The following PUM3 variants were observed in gnomAD, a reference collection of about 807,000 sequenced individuals.
PUM3 encodes the protein pumilio RNA binding family member 3.
A neutral mutation model predicts 84.0 loss-of-function variants in PUM3; 91 were observed. That is an observed-to-expected ratio of 1.08 (90% CI 0.91 to 1.29). The LOEUF is 1.29. Ranked by LOEUF, PUM3 falls within the 50% of genes most tolerant of loss-of-function variation. PUM3 has a pLI of 0.00. For missense variants in PUM3, 1,067 were observed against 767.5 expected (o/e 1.39, Z -4.61); for synonymous variants, 321 against 266.7 (o/e 1.20, Z -1.98).
At chr9:2,838,355 T>C in intron 2 of PUM3, 71 bp downstream of exon 2, 1 of 1,006,812 alleles carries the variant, frequency 9.9e-7, no homozygotes, top group Non-Finnish European at 1.6e-6. Context: ...GAATACAGAT[T>C]GAAATTTACT....
intron 1 of PUM3, among the ~76,000 whole-genome samples, chr9:2,842,007 C>A (rs893835936): frequency 2.6e-5 from 4 of 152,150 alleles, no homozygotes; most frequent in African/African-American, 9.7e-5. Context: ...CAACTCCTTC[C>A]CTCTTTCCTG....
chr9:2,813,460 G>A (rs887942274), intron 13 of PUM3, among the ~76,000 whole-genome samples: 1 of 152,106 alleles, frequency 6.6e-6, no homozygotes, highest in Non-Finnish European at 1.5e-5. Context: ...TGTCCAACTG[G>A]CCAGGTTTAC....
At position 2,837,177 on chromosome 9, in the gene PUM3, T is replaced by C; in HGVS notation, c.304+3A>G. 1.9e-6 allele frequency: 3 copies of C among 1,613,420 alleles called. No individual in the cohort carries two copies. The highest frequency in any genetic ancestry group is 2.5e-6 in the Non-Finnish European group (3 of 1,179,380). On this transcript the variant is annotated splice_donor_region_variant and intron_variant, in intron 3 of 17. Transcript: ENST00000397885. Reference sequence around the variant, plus strand: ...GTTCAGGCATGAACGAACCAGTACTTACCATCGCTTCTACCATCTGGCTGG... The same window carrying C: ...GTTCAGGCATGAACGAACCAGTACTCACCATCGCTTCTACCATCTGGCTGG...
intron 13 of PUM3, among the ~76,000 whole-genome samples, chr9:2,812,890 G>C (rs542650256): frequency 1.3e-5 from 2 of 152,330 alleles, no homozygotes; most frequent in East Asian, 3.9e-4. Flanking sequence ...CAGTTAACTT[G>C]CAGCTGCATT....
Position 2,839,874 on chromosome 9 carries a change from T to C in PUM3, c.-10-1357A>G, listed in dbSNP as rs561884470. Among the ~76,000 whole-genome samples the C allele has an allele frequency of 2.0e-5, 3 of 152,324 alleles. No individual in the cohort carries two copies. The East Asian group carries it at 5.8e-4, about 29-fold the overall frequency. On this transcript the variant is annotated intron_variant, in intron 1 of 17. Transcript: ENST00000397885. ...AAATAATTTTAGCTTTACAAAAGAG[T>C]TGAAAAGATACACAGTTCACATATA...
intron 3 of PUM3, among the ~76,000 whole-genome samples, chr9:2,834,967 T>A (rs1816081920): frequency 6.8e-6 from 1 of 147,608 alleles, no homozygotes; most frequent in African/African-American, 2.5e-5. Context: ...GGGGAATTAG[T>A]CACTTCTAAC....
chr9:2,841,393 C>T (rs1816259915), intron 1 of PUM3, among the ~76,000 whole-genome samples: 1 of 152,052 alleles, frequency 6.6e-6, no homozygotes, highest in African/African-American at 2.4e-5. Flanking sequence ...GACCAAACCC[C>T]ATCTCTACTA....
chr9:2,816,815 T>A (rs1041983489), intron 13 of PUM3, among the ~76,000 whole-genome samples: 2 of 152,224 alleles, frequency 1.3e-5, no homozygotes, highest in Non-Finnish European at 2.9e-5. Context: ...CACATCTGAC[T>A]AGAAGATCAC....
At position 2,837,302 on chromosome 9, in the gene PUM3, C is replaced by T. The variant is rs1816152435; in HGVS notation, c.182G>A (p.Gly61Glu). The T allele has an allele frequency of 1.2e-6, 2 of 1,613,890 alleles. No homozygotes were observed. Among genetic ancestry groups the T allele is most frequent in the Non-Finnish European group, 1.7e-6 (2 of 1,179,948 alleles). ...CTTGAACTGCTTTACACCCTTTTTCCCAAGTTTTGTGATACTTTTCTCAAA... is the reference window on the plus strand; with the variant it reads ...CTTGAACTGCTTTACACCCTTTTTCTCAAGTTTTGTGATACTTTTCTCAAA... ...RNFEKSITKL[G>E]KKGVKQFKNK... is the part of the protein sequence containing the mutation. The change falls in exon 3 of 18, where the codon GGG becomes GAG. Residue 61 changes from glycine (G) to glutamate (E), a missense_variant. Physicochemically the swap from Gly to Glu is moderately conservative, Grantham distance 98. Transcript: ENST00000397885.
intron 1 of PUM3, among the ~76,000 whole-genome samples, chr9:2,840,283 A>G (rs962869577): frequency 3.3e-5 from 5 of 152,170 alleles, no homozygotes; most frequent in African/African-American, 1.2e-4. Flanking sequence ...TTAGATCCAA[A>G]CCACCAAGTC....
chr9:2,838,601 T>C, intron 1 of PUM3, 84 bp from the exon 2 acceptor site: 2 of 808,168 alleles, frequency 2.5e-6, no homozygotes, highest in Non-Finnish European at 4.3e-6. Flanking sequence ...TTGCCACATT[T>C]AGTCCTTCAG....
chr9:2,819,955 G>T, intron 13 of PUM3, 63 bp downstream of exon 13: 1 of 1,078,762 alleles, frequency 9.3e-7, no homozygotes, highest in Non-Finnish European at 1.4e-6. Flanking sequence ...GTGAAATCAA[G>T]CTTACACATC....
intron 3 of PUM3, among the ~76,000 whole-genome samples, chr9:2,835,562 TATTC>T (rs35637097): frequency 0.65 from 98,796 of 151,584 alleles, 33,247 homozygotes; most frequent in African/African-American, 0.83. Flanking sequence ...TTTACTTATA[TATTC>T]ATTCCCTGTC....
chr9:2,806,186 AT>A (rs1242868442), intron 17 of PUM3, among the ~76,000 whole-genome samples: 1 of 152,206 alleles, frequency 6.6e-6, no homozygotes, highest in African/African-American at 2.4e-5. Flanking sequence ...TTTCCAGTTA[AT>A]TGAGTGTAAT....
At chr9:2,841,512 G>A (rs185277327) in intron 1 of PUM3, among the ~76,000 whole-genome samples, 3 of 152,286 alleles carry the variant, frequency 2.0e-5, no homozygotes, top group South Asian at 2.1e-4. Flanking sequence ...AGGCTGCAGC[G>A]AGCTGAGATT....
intron 13 of PUM3, among the ~76,000 whole-genome samples, chr9:2,817,519 AG>A (rs1821496666): frequency 6.6e-6 from 1 of 152,248 alleles, no homozygotes; most frequent in Admixed American, 6.5e-5. Flanking sequence ...ACATGAGAAA[AG>A]AAAAAAAGCA....
Position 2,823,802 on chromosome 9 carries a change from A to G in PUM3, c.1167T>C (p.Thr389=). 6.6e-7 allele frequency: 1 copy of G among 1,519,462 alleles called. No homozygotes were observed. Among genetic ancestry groups the G allele is most frequent in the Admixed American group, 1.8e-5 (1 of 55,084 alleles). 94.1% of individuals were successfully genotyped at this position (1,519,462 alleles called of 1,614,324 possible). A position where few individuals can be genotyped will look rare whatever the true frequency, so the allele number is the denominator to read the frequency against. Residue 389 remains threonine (T), a synonymous_variant, in exon 12 of 18, where the codon ACT becomes ACC. Coordinates refer to ENST00000397885, the MANE Select transcript of PUM3 (RefSeq NM_014878.5). Reference sequence around the variant, plus strand: ...TTACATTAGCCACCTTTTCAACATAAGTCTTCATTGTTTTCACAATCACTT... The same window carrying G: ...TTACATTAGCCACCTTTTCAACATAGGTCTTCATTGTTTTCACAATCACTT... ...DRKVIVKTMK[T]YVEKVANGQY...
intron 9 of PUM3, 64 bp from the exon 10 acceptor site, chr9:2,827,215 G>C (rs1815846763): frequency 4.3e-6 from 5 of 1,175,918 alleles, no homozygotes; most frequent in Non-Finnish European, 6.2e-6. Context: ...TACAAAGACA[G>C]GTAATCTCAA....
At chr9:2,807,207 CA>C (rs537765848) in intron 17 of PUM3, among the ~76,000 whole-genome samples, 34 of 140,594 alleles carry the variant, frequency 2.4e-4, no homozygotes, top group Admixed American at 2.1e-4. Flanking sequence ...GACTCCATCT[CA>C]AAAAAAAAAA....
Sources: gnomAD v4.1 joint callset for allele counts (sites outside exome capture counted in the v4.1 genomes callset) on GRCh38, gnomAD v4.1.1 for gene constraint, MANE v1.5 for transcripts, NCBI Gene and HGNC (gene_info 2026-07-23, HGNC 2026-07-21) for gene names.